The following NOP58 variants were observed in gnomAD, a reference collection of about 807,000 sequenced individuals.
NOP58 encodes the protein nucleolar protein 58.
NOP58 carries 44 observed loss-of-function variants against 71.2 expected under a neutral mutation model. That is an observed-to-expected ratio of 0.62 (90% confidence interval 0.49 to 0.79). The LOEUF (loss-of-function observed/expected upper bound fraction) is 0.79. Ranked by LOEUF, NOP58 falls within the 30% of genes least tolerant of loss-of-function variation. The pLI is 0.00. For missense variants in NOP58, 538 were observed against 620.2 expected, an observed-to-expected ratio of 0.87 and a Z score of 1.41; for synonymous variants, 228 against 200.3, an observed-to-expected ratio of 1.14 and a Z score of -1.17.
intron 14 of NOP58, 118 bp downstream of exon 14, chr2:202,303,175 G>T: frequency 7.5e-7 from 1 of 1,327,802 alleles, no homozygotes. Flanking sequence ...TTGATGGAGA[G>T]GTAAAAGTGA....
intron 1 of NOP58, among the ~76,000 whole-genome samples, chr2:202,266,514 C>T (rs1425685934): frequency 1.3e-5 from 2 of 151,964 alleles, no homozygotes; most frequent in Non-Finnish European, 2.9e-5. Flanking sequence ...CGGGGTTTCA[C>T]CATGTTGGCC....
intron 14 of NOP58, 62 bp downstream of exon 14, chr2:202,303,119 A>G: frequency 6.5e-7 from 1 of 1,531,960 alleles, no homozygotes. Context: ...ATTTCAATCT[A>G]TTTTCTATAT....
intron 3 of NOP58, among the ~76,000 whole-genome samples, chr2:202,279,270 G>A (rs1204773772): frequency 1.3e-5 from 2 of 152,056 alleles, no homozygotes; most frequent in African/African-American, 4.8e-5. Context: ...TTATTAAACT[G>A]TATTAAATGG....
At chr2:202,285,412 G>A (rs943121968) in intron 5 of NOP58, among the ~76,000 whole-genome samples, 3 of 146,284 alleles carry the variant, frequency 2.1e-5, no homozygotes, top group Non-Finnish European at 4.4e-5. Context: ...GCAGTGGTGC[G>A]ATCTTGGCTC....
At chr2:202,288,124 A>G (rs1688823326) in intron 6 of NOP58, among the ~76,000 whole-genome samples, 2 of 152,168 alleles carry the variant, frequency 1.3e-5, no homozygotes, top group African/African-American at 4.8e-5. Context: ...TTTCCATGAA[A>G]ATGTTAAAAA....
chr2:202,297,824 A>T, intron 11 of NOP58, 21 bp from the exon 12 acceptor site: 3 of 1,387,644 alleles, frequency 2.2e-6, no homozygotes, highest in Non-Finnish European at 3.0e-6. Flanking sequence ...GTGTATTTGT[A>T]ATTTTTCGTT....
At chr2:202,290,976 CTG>C (rs1195313986) in intron 7 of NOP58, 147 bp from the exon 8 acceptor site, 8 of 609,906 alleles carry the variant, frequency 1.3e-5, no homozygotes, top group Non-Finnish European at 2.2e-5. Context: ...ATGAGGAAAA[CTG>C]TTATACTAGG....
At chr2:202,298,299 C>T (rs1689032355) in intron 12 of NOP58, among the ~76,000 whole-genome samples, 1 of 151,978 alleles carries the variant, frequency 6.6e-6, no homozygotes, top group Non-Finnish European at 1.5e-5. Context: ...TATTCATTTC[C>T]AGATATTGAT....
At chr2:202,287,814 TGAGAAA>T (rs1487683298) in intron 6 of NOP58, 90 bp downstream of exon 6, 1 of 1,083,402 alleles carries the variant, frequency 9.2e-7, no homozygotes, top group Non-Finnish European at 1.4e-6. Context: ...TTCTGTCTGT[TGAGAAA>T]GAGAAAGGAG....
chr2:202,289,900 C>G (rs1271142593), intron 6 of NOP58, among the ~76,000 whole-genome samples: 1 of 152,094 alleles, frequency 6.6e-6, no homozygotes, highest in Non-Finnish European at 1.5e-5. Context: ...CATAAGAATA[C>G]TTAATGCTAC....
intron 5 of NOP58, 165 bp downstream of exon 5, chr2:202,284,646 A>G (rs1574382244): frequency 1.5e-6 from 1 of 668,686 alleles, no homozygotes; most frequent in African/African-American, 1.8e-5. Context: ...CCCAAGGTCA[A>G]TACAGCTGGT....
chr2:202,291,085 G>T, intron 7 of NOP58, 40 bp from the exon 8 acceptor site: 1 of 1,507,998 alleles, frequency 6.6e-7, no homozygotes, highest in Non-Finnish European at 8.9e-7. Context: ...ATAATTTGTT[G>T]AAGAGTGATT....
intron 1 of NOP58, among the ~76,000 whole-genome samples, chr2:202,272,316 C>T (rs1688525344): frequency 6.6e-6 from 1 of 152,082 alleles, no homozygotes; most frequent in South Asian, 2.1e-4. Flanking sequence ...CCTCGCCCAG[C>T]TAATTTTTTT....
intron 5 of NOP58, among the ~76,000 whole-genome samples, 199 bp from the exon 6 acceptor site, chr2:202,287,461 T>G (rs865916470): frequency 3.3e-5 from 4 of 122,686 alleles, no homozygotes; most frequent in African/African-American, 1.1e-4. Context: ...GCACATATAG[T>G]TTTTTTTTTT....
chr2:202,272,910 G>A (rs1688532610), intron 1 of NOP58, among the ~76,000 whole-genome samples: 1 of 152,280 alleles, frequency 6.6e-6, no homozygotes, highest in Non-Finnish European at 1.5e-5. Flanking sequence ...CGAGGTGGGT[G>A]CATCATGAGG....
intron 12 of NOP58, among the ~76,000 whole-genome samples, chr2:202,298,952 ATTTTTT>A (rs3043921): frequency 9.8e-5 from 8 of 81,460 alleles, no homozygotes; most frequent in Admixed American, 7.2e-4. Flanking sequence ...ATCCTTCAAG[ATTTTTT>A]TTTTTTTTTT....
chr2:202,278,920 G>T (rs954233), intron 3 of NOP58, among the ~76,000 whole-genome samples: 18,817 of 152,116 alleles, frequency 0.12, 3,931 homozygotes, highest in African/African-American at 0.43. Flanking sequence ...GTAGGCTGAA[G>T]GAAGACCCAT....
chr2:202,290,414 T>C lies in NOP58; in HGVS notation c.591T>C (p.Ile197=), dbSNP rs1223971538. ...GGCATTTCCCTGAATTAGGAAAAAT[T>C]ATTTCAGATAATTTAACATACTGCA... is the stretch of plus-strand genomic sequence containing the variant. ...YGWHFPELGK[I]ISDNLTYCKC... The change falls in exon 7 of 15, where the codon ATT becomes ATC. Residue 197 remains isoleucine, a synonymous_variant. Coordinates refer to ENST00000264279, the MANE Select transcript of NOP58 (RefSeq NM_015934.5). 2 of 1,611,012 alleles carry C rather than the reference T, an allele frequency of 1.2e-6. No homozygotes were observed. Among genetic ancestry groups the C allele is most frequent in the Non-Finnish European group, 1.7e-6 (2 of 1,178,026 alleles).
intron 2 of NOP58, among the ~76,000 whole-genome samples, chr2:202,276,798 A>G (rs1688598808): frequency 2.0e-5 from 3 of 152,084 alleles, no homozygotes; most frequent in Admixed American, 6.6e-5. Flanking sequence ...TGATTGCACC[A>G]CTGCATTCCA....
Sources: allele counts gnomAD v4.1 joint callset (sites outside exome capture counted in the v4.1 genomes callset), GRCh38; gene constraint gnomAD v4.1.1; transcripts MANE v1.5; gene names NCBI Gene and HGNC (gene_info 2026-07-23, HGNC 2026-07-21).